C8orf34: variants seen among roughly 807,000 people sequenced by gnomAD.
C8orf34 encodes uncharacterized protein C8orf34.
A neutral mutation model predicts 68.3 loss-of-function variants in C8orf34; 65 were observed. The observed-to-expected ratio is 0.95, with a 90% confidence interval of 0.78 to 1.17. The LOEUF is 1.17. C8orf34 is among the 50% of genes most tolerant of loss of function. The pLI is 0.00. For missense variants in C8orf34, 664 were observed against 655.4 expected, an observed-to-expected ratio of 1.01 and a Z score of -0.14; for synonymous variants, 244 against 241.2, an observed-to-expected ratio of 1.01 and a Z score of -0.11.
chr8:68,748,430 AC>A (rs1822581232), intron 10 of C8orf34, among the ~76,000 whole-genome samples: 1 of 149,092 alleles, frequency 6.7e-6, no homozygotes, highest in African/African-American at 2.5e-5. Context: ...AAAAGAAACT[AC>A]CATCAGAGTG....
At chr8:68,485,476 G>A (rs942903335) in intron 4 of C8orf34, among the ~76,000 whole-genome samples, 19 of 151,994 alleles carry the variant, frequency 1.3e-4, no homozygotes, top group African/African-American at 4.6e-4. Flanking sequence ...CACTTTGGGA[G>A]GCCCAGGCAG....
At chr8:68,440,893 T>C (rs1218078827) in intron 2 of C8orf34, among the ~76,000 whole-genome samples, 2 of 151,534 alleles carry the variant, frequency 1.3e-5, no homozygotes, top group Non-Finnish European at 2.9e-5. Context: ...CAAGCTCCGC[T>C]TCCTGGGTTC....
chr8:68,335,516 C>T (rs1805812889), intron 1 of C8orf34, among the ~76,000 whole-genome samples: 2 of 152,106 alleles, frequency 1.3e-5, no homozygotes. Flanking sequence ...GAAGACAAAG[C>T]AGTTCCATTT....
rs144196827 is a variant in C8orf34 at position 68,454,126 on chromosome 8, C to T, written c.607+7666C>T. Among the ~76,000 whole-genome samples the T allele has an allele frequency of 2.2e-3, 341 of 152,042 alleles. 1 individual carries two copies. Among genetic ancestry groups the T allele is most frequent in the African/African-American group, 7.1e-3 (294 of 41,520 alleles). ...TGAATTCCTAGGATAAATACTTGGTCGTGATGTATAATCCTTTTAATATGC... is the reference window on the plus strand; with the variant it reads ...TGAATTCCTAGGATAAATACTTGGTTGTGATGTATAATCCTTTTAATATGC... On this transcript the variant is annotated intron_variant, in intron 3 of 13. Transcript: ENST00000518698.
At chr8:68,524,516 C>G (rs183986812) in intron 6 of C8orf34, among the ~76,000 whole-genome samples, 15 of 152,206 alleles carry the variant, frequency 9.9e-5, no homozygotes, top group African/African-American at 2.9e-4. Flanking sequence ...CAAAGCAGTT[C>G]AGAATTAAGA....
Position 68,695,148 on chromosome 8 carries a change from C to CT in C8orf34, c.1242-13831dup, listed in dbSNP as rs111296235. 5.4e-3 allele frequency among the ~76,000 whole-genome samples: 755 copies of CT among 139,124 alleles called. 6 individuals are homozygous for CT. Among genetic ancestry groups the CT allele is most frequent in the African/African-American group, 0.014 (529 of 37,148 alleles). 91.3% of individuals were successfully genotyped at this position (139,124 alleles called of 152,430 possible). ...TTACTCAATTAGCAACTGTTTATTC[C>CT]TTTTTTTTTTTTTTTGAGATGGAGT... On this transcript the variant is annotated intron_variant, in intron 8 of 13. Coordinates refer to ENST00000518698, the MANE Select transcript of C8orf34 (RefSeq NM_052958.4).
chr8:68,531,175 T>G (rs1369863947), intron 6 of C8orf34, among the ~76,000 whole-genome samples: 1 of 152,186 alleles, frequency 6.6e-6, no homozygotes, highest in Non-Finnish European at 1.5e-5. Context: ...TATGTACCCA[T>G]AATATAATCA....
At chr8:68,395,240 G>T (rs1280486252) in intron 1 of C8orf34, among the ~76,000 whole-genome samples, 3 of 148,464 alleles carry the variant, frequency 2.0e-5, no homozygotes, top group African/African-American at 4.9e-5. Flanking sequence ...TAGAACAAGG[G>T]TTTTTTTTTT....
chr8:68,456,123 G>A (rs1006961552), intron 3 of C8orf34, among the ~76,000 whole-genome samples: 2 of 151,566 alleles, frequency 1.3e-5, no homozygotes, highest in African/African-American at 4.8e-5. Flanking sequence ...GGGCGTGGTG[G>A]TGGGTGCCTG....
At chr8:68,331,592 A>G in intron 1 of C8orf34, 1 of 524,278 alleles carries the variant, frequency 1.9e-6, no homozygotes, top group Middle Eastern at 4.2e-4. Context: ...TCAGCCTGGC[A>G]GGGGAAGTTT....
chr8:68,485,721 T>TA (rs144215758), intron 4 of C8orf34, among the ~76,000 whole-genome samples: 20 of 46,332 alleles, frequency 4.3e-4, no homozygotes, highest in Admixed American at 2.2e-3. Context: ...CAAAAAAAAA[T>TA]AAAAAATAAA....
At chr8:68,651,590 C>T (rs959414510) in intron 8 of C8orf34, among the ~76,000 whole-genome samples, 3 of 152,138 alleles carry the variant, frequency 2.0e-5, no homozygotes, top group African/African-American at 4.8e-5. Flanking sequence ...AAATCCTTTT[C>T]GTCCTTTGCA....
At chr8:68,763,501 T>C (rs7839911) in intron 10 of C8orf34, among the ~76,000 whole-genome samples, 45,665 of 151,972 alleles carry the variant, frequency 0.3, 7,575 homozygotes, top group African/African-American at 0.44. Context: ...GTTTTTGGGT[T>C]ACTCTCCAAC....
At chr8:68,694,278 T>A (rs1585740076) in intron 8 of C8orf34, among the ~76,000 whole-genome samples, 1 of 128,448 alleles carries the variant, frequency 7.8e-6, no homozygotes, top group Admixed American at 7.3e-5. Flanking sequence ...TTAAAAAGTG[T>A]TTGACAGAAT....
At chr8:68,557,977 C>A (rs1373007861) in intron 7 of C8orf34, among the ~76,000 whole-genome samples, 1 of 152,160 alleles carries the variant, frequency 6.6e-6, no homozygotes. Context: ...AGAACATTCT[C>A]TACCCTGATT....
At chr8:68,553,806 T>G (rs1488061652) in intron 7 of C8orf34, among the ~76,000 whole-genome samples, 1 of 152,116 alleles carries the variant, frequency 6.6e-6, no homozygotes, top group African/African-American at 2.4e-5. Flanking sequence ...ACTTTTGGGT[T>G]TGTTGATTTT....
At chr8:68,395,845 C>T (rs988509041) in intron 1 of C8orf34, among the ~76,000 whole-genome samples, 3 of 152,076 alleles carry the variant, frequency 2.0e-5, no homozygotes, top group Admixed American at 6.6e-5. Context: ...GGGTAGAAGA[C>T]TAACATCTAT....
At position 68,567,386 on chromosome 8, in the gene C8orf34, T is replaced by C. The variant is rs141214666; in HGVS notation, c.1105+34237T>C. ...TTTCCAGGAATTTGTCCATCTCTTC[T>C]GGCTTTTCTAGCTTATGTGTGCAAA... On this transcript the variant is annotated intron_variant, in intron 7 of 13. Transcript: ENST00000518698. Among the ~76,000 whole-genome samples the C allele has an allele frequency of 6.3e-3, 958 of 152,212 alleles. 12 individuals are homozygous for C. The highest frequency in any genetic ancestry group is 0.021 in the African/African-American group (889 of 41,544).
chr8:68,564,846 A>C (rs562807841), intron 7 of C8orf34, among the ~76,000 whole-genome samples: 1 of 152,144 alleles, frequency 6.6e-6, no homozygotes, highest in Non-Finnish European at 1.5e-5. Context: ...AGAGAGAGTT[A>C]AATTTTAGTA....
Sources: gnomAD v4.1 joint callset for allele counts (sites outside exome capture counted in the v4.1 genomes callset) on GRCh38, gnomAD v4.1.1 for gene constraint, MANE v1.5 for transcripts, NCBI Gene and HGNC (gene_info 2026-07-23, HGNC 2026-07-21) for gene names.